The following ICMT variants were observed in gnomAD, a reference collection of about 807,000 sequenced individuals.
The protein encoded by ICMT is isoprenylcysteine carboxyl methyltransferase.
A neutral mutation model predicts 32.2 loss-of-function variants in ICMT; 10 were observed. That is an observed-to-expected ratio of 0.31 (90% confidence interval 0.19 to 0.53). The LOEUF (loss-of-function observed/expected upper bound fraction) is 0.53. ICMT is among the 20% of genes least tolerant of loss of function. ICMT has a pLI of 0.96. For missense variants in ICMT, 265 were observed against 356.9 expected, an observed-to-expected ratio of 0.74 and a Z score of 2.07; for synonymous variants, 183 against 158.2, an observed-to-expected ratio of 1.16 and a Z score of -1.18.
chr1:6,231,750 A>G (rs4908541), intron 4 of ICMT, 152 bp downstream of exon 4: 18,478 of 537,656 alleles, frequency 0.034, 386 homozygotes, highest in Middle Eastern at 0.047. Flanking sequence ...ACATGTACCT[A>G]TTATTTAAAG....
rs1370778433 is a variant in ICMT, at chr1:6,221,427, G to A, written c.*3653C>T. 1.3e-5 allele frequency: 2 copies of A among 152,632 alleles called. No individual in the cohort carries two copies. The highest frequency in any genetic ancestry group is 4.8e-5 in the African/African-American group (2 of 41,444). The allele number at this position is 152,632 out of a possible 1,614,324, so 9.5% of individuals were successfully genotyped here. A position where few individuals can be genotyped will look rare whatever the true frequency, so the allele number is the denominator to read the frequency against. The stretch of plus-strand genomic sequence containing the variant: ...TCTGCAGCAGTGGCCCAGAGAGTAG[G>A]CACTTCCCAGCATGACAGAGAGGCC... On this transcript the variant is annotated 3_prime_UTR_variant, in exon 5 of 5. Transcript: ENST00000343813.
rs1194616728 is a variant in ICMT at position 6,233,586 on chromosome 1, A to G, written c.342T>C (p.Asn114=). ...AATCCAAGGACAGACTTTTGGGATT[A>G]TTGACTGCTGTCACCAAGTATTCAG... The part of the protein sequence containing the change: ...HYSEYLVTAV[N]NPKSLSLDSF... The change falls in exon 3 of 5, where the codon AAT becomes AAC. Residue 114 remains asparagine (N), a synonymous_variant. Transcript: ENST00000343813. 1 of 1,614,068 alleles carries G rather than the reference A, an allele frequency of 6.2e-7. No individual in the cohort carries two copies. The highest frequency in any genetic ancestry group is 8.5e-7 in the Non-Finnish European group (1 of 1,179,908).
At chr1:6,233,284 C>T (rs895000641) in intron 3 of ICMT, among the ~76,000 whole-genome samples, 190 bp downstream of exon 3, 14 of 152,264 alleles carry the variant, frequency 9.2e-5, no homozygotes, top group Admixed American at 5.9e-4. Context: ...GTCAGCACGT[C>T]CTCGAGTCAA....
chr1:6,228,148 A>G (rs1045205703), intron 4 of ICMT, among the ~76,000 whole-genome samples: 1 of 152,136 alleles, frequency 6.6e-6, no homozygotes, highest in Non-Finnish European at 1.5e-5. Flanking sequence ...ACACAAATAA[A>G]TAATTTTGTT....
intron 4 of ICMT, among the ~76,000 whole-genome samples, chr1:6,230,804 G>A (rs1668723636): frequency 6.6e-6 from 1 of 150,604 alleles, no homozygotes; most frequent in Non-Finnish European, 1.5e-5. Flanking sequence ...CAAGAGAATC[G>A]CTTGAACCTG....
In ICMT at chr1:6,234,895, T is replaced by A. The variant is rs759146026; in HGVS notation, c.275A>T (p.His92Leu). 2 of 1,613,150 alleles carry A rather than the reference T, an allele frequency of 1.2e-6. No individual in the cohort carries two copies. The highest frequency in any genetic ancestry group is 2.2e-5 in the South Asian group (2 of 91,040). The change falls in exon 2 of 5, where the codon CAC becomes CTC. Residue 92 changes from histidine (H) to leucine (L), a missense_variant. Physicochemically the swap from His to Leu is moderately conservative, Grantham distance 99. Coordinates refer to ENST00000343813, the MANE Select transcript of ICMT (RefSeq NM_012405.4). ...CCGAAGGAATTCTTACCAGCCAAAGTGACTCCAAGAAGACTGGCTAAAACT... is the reference window on the plus strand; with the variant it reads ...CCGAAGGAATTCTTACCAGCCAAAGAGACTCCAAGAAGACTGGCTAAAACT... ...LLSFSQSSWSHFGWYMCSLSL... is the reference protein window; with the variant it reads ...LLSFSQSSWSLFGWYMCSLSL...
chr1:6,225,276 A>G lies in ICMT; in HGVS notation c.673-14T>C, dbSNP rs759548730. ...ACACAGCATCACCTAACAGAGGGAG[A>G]CACCAGGCTCATCAGGGTGACCGTG... is the stretch of plus-strand genomic sequence containing the variant. On this transcript the variant is annotated splice_polypyrimidine_tract_variant and intron_variant, in intron 4 of 4. Coordinates refer to ENST00000343813, the MANE Select transcript of ICMT (RefSeq NM_012405.4). The G allele has an allele frequency of 6.2e-7, 1 of 1,610,132 alleles. No individual in the cohort carries two copies. The highest frequency in any genetic ancestry group is 8.5e-7 in the Non-Finnish European group (1 of 1,178,376).
chr1:6,229,823 C>A (rs72632569), intron 4 of ICMT, among the ~76,000 whole-genome samples: 5 of 137,268 alleles, frequency 3.6e-5, no homozygotes, highest in Admixed American at 2.9e-4. Context: ...CACACACACA[C>A]ATAGAGCAGG....
At chr1:6,225,378 G>GTCTCTGC (rs1557600576) in intron 4 of ICMT, 116 bp from the exon 5 acceptor site, 2 of 965,426 alleles carry the variant, frequency 2.1e-6, no homozygotes, top group Non-Finnish European at 3.1e-6. Context: ...TGCTGAGACC[G>GTCTCTGC]TCAGGGTCTC....
intron 3 of ICMT, 93 bp from the exon 4 acceptor site, chr1:6,232,212 G>T: frequency 1.2e-6 from 1 of 857,844 alleles, no homozygotes; most frequent in Non-Finnish European, 1.8e-6. Context: ...TTTTCCCGAA[G>T]ACAGAAACAG....
chr1:6,230,706 A>G (rs1444109301), intron 4 of ICMT, among the ~76,000 whole-genome samples: 1 of 151,584 alleles, frequency 6.6e-6, no homozygotes, highest in Non-Finnish European at 1.5e-5. Context: ...TGGCTAACAC[A>G]GTCAAACCTC....
Position 6,235,951 on chromosome 1 carries a change from T to TAGCCCGGAGAAAAGCGCCGGCTGC in ICMT, c.-41_-40insGCAGCCGGCGCTTTTCTCCGGGCT. 9.7e-7 allele frequency: 1 copy of TAGCCCGGAGAAAAGCGCCGGCTGC among 1,026,546 alleles called. No individual in the cohort carries two copies. The highest frequency in any genetic ancestry group is 1.2e-6 in the Non-Finnish European group (1 of 842,388). 63.6% of individuals were successfully genotyped at this position (1,026,546 alleles called of 1,614,324 possible). ...GACTAGCGGGCGGCGGCGCCGGCTGTAGCCCGGAGAAACGCGCCGGCTGCG... is the reference window on the plus strand; with the variant it reads ...GACTAGCGGGCGGCGGCGCCGGCTGTAGCCCGGAGAAAAGCGCCGGCTGCAGCCCGGAGAAACGCGCCGGCTGCG... On this transcript the variant is annotated 5_prime_UTR_variant, in exon 1 of 5. Transcript: ENST00000343813.
intron 4 of ICMT, among the ~76,000 whole-genome samples, chr1:6,228,711 T>C (rs1446510387): frequency 6.6e-6 from 1 of 151,840 alleles, no homozygotes; most frequent in East Asian, 1.9e-4. Context: ...CCACTGTGCC[T>C]AGCCAAATAG....
chr1:6,230,903 G>GAAA (rs557858792), intron 4 of ICMT, among the ~76,000 whole-genome samples: 1 of 73,374 alleles, frequency 1.4e-5, no homozygotes, highest in African/African-American at 4.4e-5. Context: ...TCTCAAAAAG[G>GAAA]AAAAAAAAAA....
chr1:6,226,307 A>G (rs886669155), intron 4 of ICMT, among the ~76,000 whole-genome samples: 1 of 152,022 alleles, frequency 6.6e-6, no homozygotes, highest in Non-Finnish European at 1.5e-5. Flanking sequence ...GAGGCAGGAG[A>G]ATTGCTTGAA....
chr1:6,235,223 T>C (rs563995964), intron 1 of ICMT, among the ~76,000 whole-genome samples: 1 of 152,338 alleles, frequency 6.6e-6, no homozygotes, highest in Admixed American at 6.5e-5. Flanking sequence ...AGTACCTACC[T>C]TTTAGGACTG....
rs930729974 is a variant in ICMT, at chr1:6,223,800, C to T, written c.*1280G>A. On this transcript the variant is annotated 3_prime_UTR_variant, in exon 5 of 5. Transcript: ENST00000343813. Reference sequence around the variant, plus strand: ...GCAGAGTGGTGCTCTGGCCCCGCGCCGACGCCGCCTTCACATTCACACTTC... The same window carrying T: ...GCAGAGTGGTGCTCTGGCCCCGCGCTGACGCCGCCTTCACATTCACACTTC... 3 of 152,256 alleles carry T rather than the reference C, an allele frequency of 2.0e-5. No individual in the cohort carries two copies. Among genetic ancestry groups the T allele is most frequent in the Non-Finnish European group, 4.4e-5 (3 of 68,052 alleles). 9.4% of individuals were successfully genotyped at this position (152,256 alleles called of 1,614,324 possible). A position where few individuals can be genotyped will look rare whatever the true frequency, so the allele number is the denominator to read the frequency against.
At position 6,222,466 on chromosome 1, in the gene ICMT, A is replaced by G. The variant is rs532493476; in HGVS notation, c.*2614T>C. 2 of 152,304 alleles carry G rather than the reference A, an allele frequency of 1.3e-5. No individual in the cohort carries two copies. The highest frequency in any genetic ancestry group is 2.9e-5 in the Non-Finnish European group (2 of 68,026). 9.4% of individuals were successfully genotyped at this position (152,304 alleles called of 1,614,324 possible). On this transcript the variant is annotated 3_prime_UTR_variant, in exon 5 of 5. Coordinates refer to ENST00000343813, the MANE Select transcript of ICMT (RefSeq NM_012405.4). ...AAATGGAGTTCATCTTTTATCCCTA[A>G]GTAATTGCTGACTTCTGCTCTGGGA... is the stretch of plus-strand genomic sequence containing the variant.
intron 4 of ICMT, 43 bp from the exon 5 acceptor site, chr1:6,225,305 T>C: frequency 6.3e-7 from 1 of 1,575,918 alleles, no homozygotes; most frequent in Non-Finnish European, 8.7e-7. Flanking sequence ...GACCGTGGGA[T>C]GACGCCCTGT....
Sources: gnomAD v4.1 joint callset for allele counts (sites outside exome capture counted in the v4.1 genomes callset) on GRCh38, gnomAD v4.1.1 for gene constraint, MANE v1.5 for transcripts, NCBI Gene and HGNC (gene_info 2026-07-23, HGNC 2026-07-21) for gene names.